The following SMARCAD1 variants were observed in gnomAD, a reference collection of about 807,000 sequenced individuals.
SMARCAD1 encodes the protein SWI/SNF-related matrix-associated actin-dependent regulator of chromatin subfamily A containing DEAD/H box 1.
Under a neutral mutation model 127.1 loss-of-function variants are expected in SMARCAD1, and 25 were observed. The ratio of observed to expected loss-of-function variants is 0.20; its 90% CI spans 0.14 to 0.27. The LOEUF (loss-of-function observed/expected upper bound fraction) is 0.27, where lower values mean the gene tolerates loss of function less well. Among genes scored for constraint, SMARCAD1 ranks in the 10% least tolerant of loss-of-function variants. SMARCAD1 has a pLI of 1.00. For synonymous variants in SMARCAD1, 400 were observed against 396.9 expected, an observed-to-expected ratio of 1.01 and a Z score of -0.09; for missense variants, 807 against 1,206.0, an observed-to-expected ratio of 0.67 and a Z score of 4.90.
At position 94,278,679 on chromosome 4, in the gene SMARCAD1, G is replaced by A; in HGVS notation, c.2242G>A (p.Glu748Lys). The A allele has an allele frequency of 6.2e-7, 1 of 1,613,868 alleles. No individual in the cohort carries two copies. The highest frequency in any genetic ancestry group is 8.5e-7 in the Non-Finnish European group (1 of 1,179,948). The change falls in exon 18 of 24, where the codon GAG (glutamate) becomes AAG (lysine). Residue 748 changes from glutamate to lysine, a missense_variant. Transcript: ENST00000354268. ...GTTGTGTGCAATGTCGGAGAAGCAG[G>A]AGCAACTCTATTTGGGTCTTTTCAA... The part of the protein sequence containing the change: ...IELCAMSEKQ[E>K]QLYLGLFNRL...
intron 2 of SMARCAD1, among the ~76,000 whole-genome samples, chr4:94,216,214 C>T (rs1016956344): frequency 2.6e-5 from 4 of 152,114 alleles, no homozygotes; most frequent in African/African-American, 7.2e-5. Context: ...CCCCTTCCTC[C>T]CTCCAGCAAA....
chr4:94,229,965 A>C (rs1018350752), intron 3 of SMARCAD1, among the ~76,000 whole-genome samples: 1 of 152,100 alleles, frequency 6.6e-6, no homozygotes, highest in Non-Finnish European at 1.5e-5. Flanking sequence ...AAGTATGCAT[A>C]AAATAGTTTT....
chr4:94,215,622 A>G (rs1030933328), intron 2 of SMARCAD1, among the ~76,000 whole-genome samples: 2 of 105,558 alleles, frequency 1.9e-5, no homozygotes, highest in Non-Finnish European at 3.6e-5. Flanking sequence ...TTCTGTCCCA[A>G]AAAGGGGGGT....
At chr4:94,229,971 G>C (rs1175679193) in intron 3 of SMARCAD1, among the ~76,000 whole-genome samples, 2 of 151,922 alleles carry the variant, frequency 1.3e-5, no homozygotes, top group Non-Finnish European at 2.9e-5. Flanking sequence ...GCATAAAATA[G>C]TTTTAGAATA....
intron 5 of SMARCAD1, among the ~76,000 whole-genome samples, chr4:94,237,891 A>T (rs1247796995): frequency 6.6e-6 from 1 of 152,182 alleles, no homozygotes; most frequent in African/African-American, 2.4e-5. Context: ...TCAAACTAGG[A>T]TGTTCAAGCA....
chr4:94,249,037 T>C (rs1193894977), intron 6 of SMARCAD1, among the ~76,000 whole-genome samples: 1 of 152,156 alleles, frequency 6.6e-6, no homozygotes, highest in Admixed American at 6.5e-5. Flanking sequence ...TTAACCAGTT[T>C]CTTCAAGTGA....
At chr4:94,248,639 T>C (rs1376154478) in intron 6 of SMARCAD1, 4 of 416,418 alleles carry the variant, frequency 9.6e-6, no homozygotes, top group Admixed American at 2.6e-5. Context: ...AGCTCTGGTT[T>C]AATTCTTCAT....
At chr4:94,233,196 T>G (rs1746116791) in intron 3 of SMARCAD1, among the ~76,000 whole-genome samples, 2 of 152,228 alleles carry the variant, frequency 1.3e-5, no homozygotes, top group Admixed American at 6.5e-5. Flanking sequence ...TACCTAAGTA[T>G]AGTCCCATCT....
At chr4:94,242,660 T>G (rs1220830068) in intron 6 of SMARCAD1, among the ~76,000 whole-genome samples, 1 of 151,820 alleles carries the variant, frequency 6.6e-6, no homozygotes, top group Non-Finnish European at 1.5e-5. Flanking sequence ...TCCCAGCATC[T>G]TGGGAGGCTG....
At chr4:94,279,205 C>A (rs1753684012) in intron 19 of SMARCAD1, among the ~76,000 whole-genome samples, 155 bp downstream of exon 19, 1 of 152,112 alleles carries the variant, frequency 6.6e-6, no homozygotes, top group African/African-American at 2.4e-5. Flanking sequence ...GTTGCCAAGG[C>A]AGGCAGTCTG....
chr4:94,228,051 A>G (rs760368061), intron 3 of SMARCAD1, among the ~76,000 whole-genome samples: 2 of 152,190 alleles, frequency 1.3e-5, no homozygotes, highest in Non-Finnish European at 2.9e-5. Flanking sequence ...TTAAGTGAAG[A>G]TAAAGTGTTG....
At chr4:94,208,706 C>G in intron 2 of SMARCAD1, 122 bp downstream of exon 2, 2 of 963,728 alleles carry the variant, frequency 2.1e-6, no homozygotes, top group Admixed American at 4.1e-5. Context: ...TGCGGTGTGC[C>G]CTTTTAAATA....
chr4:94,213,339 T>C (rs1000426907), intron 2 of SMARCAD1, among the ~76,000 whole-genome samples: 3 of 152,162 alleles, frequency 2.0e-5, no homozygotes, highest in Non-Finnish European at 2.9e-5. Context: ...AATCATTGTT[T>C]ACTGGGTGAA....
intron 3 of SMARCAD1, among the ~76,000 whole-genome samples, chr4:94,230,680 G>A (rs1051223515): frequency 7.2e-5 from 11 of 152,060 alleles, no homozygotes; most frequent in Admixed American, 7.2e-4. Context: ...TCCCCTTGCA[G>A]CAAAACTACC....
At chr4:94,286,995 G>A (rs971927096) in intron 23 of SMARCAD1, among the ~76,000 whole-genome samples, 1 of 152,136 alleles carries the variant, frequency 6.6e-6, no homozygotes, top group South Asian at 2.1e-4. Flanking sequence ...CTCCCAAATA[G>A]CTGGGACTAT....
intron 3 of SMARCAD1, among the ~76,000 whole-genome samples, chr4:94,228,447 AC>A (rs1471354380): frequency 1.3e-5 from 2 of 152,174 alleles, no homozygotes; most frequent in Non-Finnish European, 2.9e-5. Flanking sequence ...AATATTTCAA[AC>A]CCAGAAATAC....
At chr4:94,225,120 C>T (rs995934711) in intron 2 of SMARCAD1, among the ~76,000 whole-genome samples, 1 of 152,146 alleles carries the variant, frequency 6.6e-6, no homozygotes, top group Non-Finnish European at 1.5e-5. Flanking sequence ...TGGTGTAATA[C>T]TTTATTGACC....
intron 2 of SMARCAD1, among the ~76,000 whole-genome samples, chr4:94,216,814 T>C (rs1223481941): frequency 6.6e-6 from 1 of 152,214 alleles, no homozygotes; most frequent in Non-Finnish European, 1.5e-5. Flanking sequence ...ACACATTTTG[T>C]TTATCCATTC....
Position 94,217,437 on chromosome 4 carries a change from T to C in SMARCAD1, c.191-8682T>C, listed in dbSNP as rs571911310. ...ATATATGATGTATCCTAGATTTTGATGTGTTTTTGTTGTTGTTGTTTTCTC... is the reference window on the plus strand; with the variant it reads ...ATATATGATGTATCCTAGATTTTGACGTGTTTTTGTTGTTGTTGTTTTCTC... On this transcript the variant is annotated intron_variant, in intron 2 of 23. Transcript: ENST00000354268. Among the ~76,000 whole-genome samples, 15 of 152,290 alleles carry C rather than the reference T, an allele frequency of 9.8e-5. No individual in the cohort carries two copies. The South Asian group carries it at 2.9e-3, about 29-fold the overall frequency.
Sources: allele counts gnomAD v4.1 joint callset (sites outside exome capture counted in the v4.1 genomes callset), GRCh38; gene constraint gnomAD v4.1.1; transcripts MANE v1.5; gene names NCBI Gene and HGNC (gene_info 2026-07-23, HGNC 2026-07-21).